MAOB: variants seen among roughly 807,000 people sequenced by gnomAD.
The protein encoded by MAOB is monoamine oxidase B.
MAOB carries 15 observed loss-of-function variants against 41.9 expected under a neutral mutation model. The ratio of observed to expected loss-of-function variants is 0.36; its 90% CI spans 0.24 to 0.55. The LOEUF is 0.55. Ranked by LOEUF, MAOB falls within the 20% of genes least tolerant of loss-of-function variation. The probability of loss-of-function intolerance (pLI) is 0.86; values close to 1 mark genes in which losing one functional copy is unlikely to be tolerated. For missense variants in MAOB, 345 were observed against 398.7 expected (o/e 0.87, Z 1.15); for synonymous variants, 167 against 144.2 (o/e 1.16, Z -1.13).
chrX:43,802,115 C>T (rs1416633079), intron 5 of MAOB, 57 bp downstream of exon 5: 23 of 972,031 alleles, frequency 2.4e-5, no homozygotes, highest in Non-Finnish European at 3.2e-5. Flanking sequence ...AACGGTATTG[C>T]TAAATAAACC....
chrX:43,768,329 G>A (rs757235335), intron 14 of MAOB, among the ~76,000 whole-genome samples: 1 of 111,739 alleles, frequency 8.9e-6, no homozygotes, highest in Non-Finnish European at 1.9e-5. Flanking sequence ...CCTACCTCAT[G>A]TGGAGAATCA....
At chrX:43,836,959 C>A (rs1368821749) in intron 3 of MAOB, among the ~76,000 whole-genome samples, 1 of 112,173 alleles carries the variant, frequency 8.9e-6, no homozygotes, top group Non-Finnish European at 1.9e-5. Context: ...AGTGTAACAT[C>A]ATTCCTGTAA....
chrX:43,826,630 A>C (rs2034950601), intron 3 of MAOB, among the ~76,000 whole-genome samples: 1 of 112,388 alleles, frequency 8.9e-6, no homozygotes, highest in Non-Finnish European at 1.9e-5. Context: ...AGGTGCTGGC[A>C]TCTGGTGAGG....
chrX:43,803,989 A>G (rs2034630716), intron 3 of MAOB, among the ~76,000 whole-genome samples: 1 of 111,589 alleles, frequency 9.0e-6, no homozygotes, highest in Admixed American at 9.6e-5. Flanking sequence ...GACATGTTAT[A>G]CCACCTGGTT....
intron 3 of MAOB, among the ~76,000 whole-genome samples, chrX:43,833,090 T>G (rs899231926): frequency 9.0e-6 from 1 of 111,590 alleles, no homozygotes; most frequent in Admixed American, 9.5e-5. Flanking sequence ...CAGTGTGTTC[T>G]TGACACCCAA....
chrX:43,865,946 C>T (rs182463308), intron 1 of MAOB, among the ~76,000 whole-genome samples: 3 of 110,744 alleles, frequency 2.7e-5, no homozygotes, highest in East Asian at 5.6e-4. Flanking sequence ...GAAGACTACA[C>T]GTGACAGAAG....
At chrX:43,847,068 GC>G (rs764534484) in intron 1 of MAOB, among the ~76,000 whole-genome samples, 19 of 112,404 alleles carry the variant, frequency 1.7e-4, no homozygotes, top group African/African-American at 6.1e-4. Context: ...TACTGGCCAG[GC>G]ACGGTGGCTT....
intron 7 of MAOB, among the ~76,000 whole-genome samples, chrX:43,795,276 T>G (rs2034513093): frequency 8.9e-6 from 1 of 111,803 alleles, no homozygotes; most frequent in African/African-American, 3.3e-5. Flanking sequence ...TACTGTTTTA[T>G]TATAAAGGAT....
intron 3 of MAOB, among the ~76,000 whole-genome samples, chrX:43,816,483 C>G (rs774658862): frequency 5.4e-5 from 6 of 111,747 alleles, no homozygotes; most frequent in African/African-American, 2.0e-4. Context: ...CTTCTGAGTT[C>G]AGGGTGAGGA....
At chrX:43,866,897 T>C (rs916352809) in intron 1 of MAOB, among the ~76,000 whole-genome samples, 1 of 112,139 alleles carries the variant, frequency 8.9e-6, no homozygotes, top group East Asian at 2.8e-4. Context: ...TGGGGAAATC[T>C]GGGAGACAGT....
At chrX:43,780,193 A>G in intron 10 of MAOB, 149 bp downstream of exon 10, 2 of 469,723 alleles carry the variant, frequency 4.3e-6, no homozygotes, top group Non-Finnish European at 7.5e-6. Context: ...ATACACATAT[A>G]ATTAGGCAGT....
At chrX:43,773,892 T>C (rs2034219437) in intron 12 of MAOB, among the ~76,000 whole-genome samples, 1 of 111,976 alleles carries the variant, frequency 8.9e-6, no homozygotes, top group African/African-American at 3.3e-5. Context: ...GTCTCAGGTA[T>C]GTCTTTATCA....
At chrX:43,852,763 G>A (rs750902797) in intron 1 of MAOB, among the ~76,000 whole-genome samples, 4 of 111,694 alleles carry the variant, frequency 3.6e-5, no homozygotes, top group East Asian at 2.8e-4. Context: ...TCTTGAGGGC[G>A]GAAAGTTCTC....
intron 3 of MAOB, among the ~76,000 whole-genome samples, chrX:43,815,527 T>C (rs981230591): frequency 1.1e-4 from 12 of 112,120 alleles, no homozygotes; most frequent in African/African-American, 3.9e-4. Flanking sequence ...AGCTGAAAAC[T>C]GGAAGCCGTA....
intron 1 of MAOB, among the ~76,000 whole-genome samples, chrX:43,861,019 G>A (rs572244407): frequency 8.9e-5 from 10 of 111,933 alleles, no homozygotes; most frequent in Admixed American, 5.7e-4. Flanking sequence ...ACTTTTCATC[G>A]ATTAACTTAT....
intron 12 of MAOB, among the ~76,000 whole-genome samples, chrX:43,771,409 G>T (rs907592406): frequency 4.5e-5 from 5 of 111,873 alleles, no homozygotes; most frequent in African/African-American, 1.6e-4. Flanking sequence ...AGTACATTAG[G>T]TGTATTAAGC....
In MAOB at chrX:43,853,129, G is replaced by A. The variant is rs191247294; in HGVS notation, c.47-9365C>T. On this transcript the variant is annotated intron_variant, in intron 1 of 14. Transcript: ENST00000378069. The stretch of plus-strand genomic sequence containing the variant: ...TAAAAATACAAAAAATTAGCCAGGC[G>A]TGGTGGCAAGTGCCTGTGGTCCCAG... Among the ~76,000 whole-genome samples the A allele has an allele frequency of 1.2e-4, 13 of 109,390 alleles. No individual in the cohort carries two copies. The South Asian group carries it at 4.1e-3, about 34-fold the overall frequency. 95.0% of individuals were successfully genotyped at this position (109,390 alleles called of 115,157 possible). A position where few individuals can be genotyped will look rare whatever the true frequency, so the allele number is the denominator to read the frequency against.
intron 14 of MAOB, among the ~76,000 whole-genome samples, chrX:43,768,345 C>A (rs2034137876): frequency 8.9e-6 from 1 of 111,830 alleles, no homozygotes; most frequent in Admixed American, 9.5e-5. Context: ...AATCACCAGG[C>A]TAGATATTTA....
chrX:43,849,410 A>G (rs1198208026), intron 1 of MAOB, among the ~76,000 whole-genome samples: 1 of 112,462 alleles, frequency 8.9e-6, no homozygotes, highest in South Asian at 3.7e-4. Flanking sequence ...TCCCTTTAAC[A>G]TCACGGATCA....
Sources: gnomAD v4.1 joint callset for allele counts (sites outside exome capture counted in the v4.1 genomes callset) on GRCh38, gnomAD v4.1.1 for gene constraint, MANE v1.5 for transcripts, NCBI Gene and HGNC (gene_info 2026-07-23, HGNC 2026-07-21) for gene names.